The following SLC26A5 variants were observed in gnomAD, a reference collection of about 807,000 sequenced individuals.
SLC26A5 encodes prestin.
In SLC26A5, 51 loss-of-function variants were observed where a neutral mutation model predicts 81.0. The observed-to-expected ratio is 0.63, with a 90% CI of 0.50 to 0.80. The LOEUF (loss-of-function observed/expected upper bound fraction) is 0.80. Ranked by LOEUF, SLC26A5 falls within the 30% of genes least tolerant of loss-of-function variation. The pLI is 0.00. For missense variants in SLC26A5, 771 were observed against 905.8 expected (o/e 0.85, Z 1.91); for synonymous variants, 325 against 332.8 (o/e 0.98, Z 0.25).
chr7:103,420,796 T>C lies in SLC26A5; in HGVS notation c.234A>G (p.Glu78=). 6.2e-7 allele frequency: 1 copy of C among 1,614,132 alleles called. No homozygotes were observed. Among genetic ancestry groups the C allele is most frequent in the South Asian group, 1.1e-5 (1 of 91,076 alleles). Residue 78 remains glutamate (E), a synonymous_variant, in exon 4 of 20, where the codon GAA becomes GAG. Coordinates refer to ENST00000306312, the MANE Select transcript of SLC26A5 (RefSeq NM_198999.3). ...TKWLPAYKFK[E]YVLGDLVSGI... ...CTGAGACCAAGTCACCCAACACATATTCCTTGAATTTGTATGCTGGCAGCC... is the reference window on the plus strand; with the variant it reads ...CTGAGACCAAGTCACCCAACACATACTCCTTGAATTTGTATGCTGGCAGCC...
chr7:103,377,564 G>T (rs367828945), intron 18 of SLC26A5, 35 bp downstream of exon 18: 376 of 1,564,460 alleles, frequency 2.4e-4, no homozygotes, highest in Non-Finnish European at 3.1e-4. Context: ...ACCAGGCATA[G>T]AGGTATTAAA....
intron 19 of SLC26A5, among the ~76,000 whole-genome samples, chr7:103,376,421 G>A (rs1821357362): frequency 6.6e-6 from 1 of 152,166 alleles, no homozygotes; most frequent in Non-Finnish European, 1.5e-5. Flanking sequence ...AAAAATAGCA[G>A]GCAAAGTATT....
intron 4 of SLC26A5, among the ~76,000 whole-genome samples, chr7:103,420,031 A>C (rs1825218484): frequency 6.6e-6 from 1 of 152,200 alleles, no homozygotes; most frequent in Non-Finnish European, 1.5e-5. Context: ...ACATGAATAA[A>C]TTAATGAATA....
At chr7:103,406,698 C>G (rs1824082776) in intron 8 of SLC26A5, among the ~76,000 whole-genome samples, 1 of 152,188 alleles carries the variant, frequency 6.6e-6, no homozygotes, top group Non-Finnish European at 1.5e-5. Flanking sequence ...CTTTGTCACC[C>G]AGGCTGGAGT....
intron 1 of SLC26A5, among the ~76,000 whole-genome samples, chr7:103,444,492 T>C (rs1465164841): frequency 2.0e-5 from 3 of 149,576 alleles, no homozygotes; most frequent in Non-Finnish European, 3.0e-5. Context: ...AGTGCACACC[T>C]GCATCTACAC....
chr7:103,434,925 C>T (rs1826343555), intron 2 of SLC26A5: 1 of 152,178 alleles, frequency 6.6e-6, no homozygotes, highest in Non-Finnish European at 1.5e-5. Context: ...GATGGGATTA[C>T]AGGCGTGAGC....
Position 103,412,553 on chromosome 7 carries a change from G to GTT in SLC26A5, c.403+447_403+448dup, listed in dbSNP as rs565602326. On this transcript the variant is annotated intron_variant, in intron 5 of 19. Transcript: ENST00000306312. ...TTGGGAGGAGTGTAGTTTTTTTTTTGTTTTTTTTTTTTTTGAGACAGAGTC... is the reference window on the plus strand; with the variant it reads ...TTGGGAGGAGTGTAGTTTTTTTTTTGTTTTTTTTTTTTTTTTGAGACAGAGTC... Among the ~76,000 whole-genome samples, 38 of 114,368 alleles carry GTT rather than the reference G, an allele frequency of 3.3e-4. 1 individual carries two copies. The highest frequency in any genetic ancestry group is 1.3e-3 in the East Asian group (5 of 3,884). The allele number at this position is 114,368 out of a possible 152,430, so 75.0% of individuals were successfully genotyped here. A position where few individuals can be genotyped will look rare whatever the true frequency, so the allele number is the denominator to read the frequency against.
chr7:103,387,658 A>C (rs999024519), intron 14 of SLC26A5, among the ~76,000 whole-genome samples: 2 of 152,168 alleles, frequency 1.3e-5, no homozygotes, highest in Non-Finnish European at 1.5e-5. Flanking sequence ...GACCTGACTA[A>C]AGTCCAGGCT....
chr7:103,428,285 G>T (rs966692822), intron 2 of SLC26A5, among the ~76,000 whole-genome samples: 5 of 152,156 alleles, frequency 3.3e-5, no homozygotes, highest in African/African-American at 1.2e-4. Flanking sequence ...ACTAATTTCT[G>T]TACAGTGATT....
chr7:103,371,482 G>A (rs530371563), downstream of SLC26A5, among the ~76,000 whole-genome samples: 2 of 150,902 alleles, frequency 1.3e-5, no homozygotes, highest in East Asian at 2.0e-4. Context: ...CCGCCACTAC[G>A]CCCGGCTAAT....
intron 19 of SLC26A5, chr7:103,364,227 G>A: frequency 6.2e-7 from 1 of 1,614,224 alleles, no homozygotes; most frequent in Non-Finnish European, 8.5e-7. Context: ...GACACTCTGT[G>A]CGCGGGCAGT....
In SLC26A5 at chr7:103,355,869, TGCAATA is replaced by T. The variant is rs1820003997; in HGVS notation, c.2042-2949_2042-2944del. ...CTTAATGTTAGAGTCTCAGGGATAA[TGCAATA>T]GTTCATAAATAATTTTGATTCCAAA... On this transcript the variant is annotated intron_variant, in intron 19 of 19. Transcript: ENST00000339444. The T allele has an allele frequency of 2.9e-5, 28 of 957,726 alleles. No homozygotes were observed. In the South Asian group the frequency reaches 4.6e-4, roughly 16 times the overall value. The allele number at this position is 957,726 out of a possible 1,614,324, so 59.3% of individuals were successfully genotyped here.
chr7:103,379,838 G>T (rs1010709109), intron 15 of SLC26A5, among the ~76,000 whole-genome samples: 1 of 152,128 alleles, frequency 6.6e-6, no homozygotes, highest in African/African-American at 2.4e-5. Flanking sequence ...ACTCTAGGAG[G>T]CAGGCTGGAA....
At chr7:103,353,909 CTCTT>C (rs1819875630) in intron 19 of SLC26A5, 1 of 1,601,476 alleles carries the variant, frequency 6.2e-7, no homozygotes, top group African/African-American at 1.3e-5. Flanking sequence ...CGTATTGTCT[CTCTT>C]CTTTCAGCTC....
downstream of SLC26A5, among the ~76,000 whole-genome samples, chr7:103,373,332 C>T (rs551230187): frequency 2.0e-4 from 30 of 152,080 alleles, no homozygotes; most frequent in African/African-American, 6.3e-4. Context: ...TGAAGTGATG[C>T]GATATGAAGC....
chr7:103,407,354 T>C (rs2116620826), intron 8 of SLC26A5, among the ~76,000 whole-genome samples: 1 of 152,326 alleles, frequency 6.6e-6, no homozygotes, highest in African/African-American at 2.4e-5. Context: ...CCAATTTATG[T>C]GCATATTTTT....
downstream of SLC26A5, among the ~76,000 whole-genome samples, chr7:103,371,695 AT>A (rs72068482): frequency 0.066 from 8,444 of 126,992 alleles, 618 homozygotes; most frequent in African/African-American, 0.21. Context: ...ATGTGCAATA[AT>A]TTTTTTTTTT....
In SLC26A5 at chr7:103,367,656, T is replaced by A. The variant is rs748448312; in HGVS notation, c.2041+9152A>T. 2.5e-6 allele frequency: 4 copies of A among 1,608,942 alleles called. No individual in the cohort carries two copies. The highest frequency in any genetic ancestry group is 1.7e-6 in the Non-Finnish European group (2 of 1,177,578). On this transcript the variant is annotated intron_variant, in intron 19 of 19. Coordinates refer to the SLC26A5 transcript ENST00000339444. The surrounding 1 kb of genome is among the most constrained non-coding windows in gnomAD (Gnocchi z 6.1). ...CATTTTAGGAAAGGGATTTTTGAAG[T>A]TTTTTCTTCCTGTGATTTTTTTCCA...
chr7:103,353,333 G>A (rs1409715038), intron 19 of SLC26A5, among the ~76,000 whole-genome samples: 1 of 151,916 alleles, frequency 6.6e-6, no homozygotes, highest in Non-Finnish European at 1.5e-5. Flanking sequence ...TTGAGATGGA[G>A]TCTCTCTCGG....
Sources: allele counts gnomAD v4.1 joint callset (sites outside exome capture counted in the v4.1 genomes callset), GRCh38; gene constraint gnomAD v4.1.1; non-coding constraint Gnocchi (gnomAD v3.1); transcripts MANE v1.5; gene names NCBI Gene and HGNC (gene_info 2026-07-23, HGNC 2026-07-21).